Variants in DOCK3 observed in about 807,000 individuals in gnomAD.
The protein encoded by DOCK3 is dedicator of cytokinesis protein 3.
DOCK3 carries 60 observed loss-of-function variants against 265.6 expected under a neutral mutation model. The observed-to-expected ratio is 0.23, with a 90% CI of 0.18 to 0.28. The LOEUF (loss-of-function observed/expected upper bound fraction) is 0.28, where lower values mean the gene tolerates loss of function less well. Ranked by LOEUF, DOCK3 falls within the 10% of genes least tolerant of loss-of-function variation. DOCK3 has a pLI of 1.00. For synonymous variants in DOCK3, 881 were observed against 938.0 expected, an observed-to-expected ratio of 0.94 and a Z score of 1.11; for missense variants, 1,981 against 2,594.3, an observed-to-expected ratio of 0.76 and a Z score of 5.14.
intron 4 of DOCK3, among the ~76,000 whole-genome samples, chr3:50,919,548 C>G (rs1553703530): frequency 1.3e-5 from 2 of 151,884 alleles, no homozygotes; most frequent in East Asian, 1.9e-4. Context: ...TGATTTGGCT[C>G]TCTGTCTGTT....
At chr3:51,235,593 T>G (rs558471816) in intron 19 of DOCK3, among the ~76,000 whole-genome samples, 1 of 152,176 alleles carries the variant, frequency 6.6e-6, no homozygotes, top group East Asian at 1.9e-4. Context: ...TGACCCATCA[T>G]TATTACCCCT....
chr3:51,132,424 A>G (rs1051881703), intron 9 of DOCK3, among the ~76,000 whole-genome samples: 2 of 152,214 alleles, frequency 1.3e-5, no homozygotes, highest in Non-Finnish European at 2.9e-5. Context: ...TAGGTCTAGA[A>G]GCAAACGGGT....
At chr3:51,120,887 C>T (rs1434156951) in intron 9 of DOCK3, among the ~76,000 whole-genome samples, 2 of 152,188 alleles carry the variant, frequency 1.3e-5, no homozygotes, top group African/African-American at 4.8e-5. Flanking sequence ...GCCAGTTGAT[C>T]TTAGCTTGCT....
intron 9 of DOCK3, among the ~76,000 whole-genome samples, chr3:51,129,170 C>G (rs2084398496): frequency 2.6e-5 from 4 of 152,242 alleles, no homozygotes; most frequent in Admixed American, 1.3e-4. Context: ...GCCATTTCTC[C>G]TTCCATGCAA....
intron 29 of DOCK3, among the ~76,000 whole-genome samples, 159 bp from the exon 30 acceptor site, chr3:51,312,317 A>G (rs2083116121): frequency 6.6e-6 from 1 of 152,234 alleles, no homozygotes; most frequent in Non-Finnish European, 1.5e-5. Flanking sequence ...AAGGGGGAAA[A>G]AAAGAAAAAT....
intron 9 of DOCK3, among the ~76,000 whole-genome samples, chr3:51,125,729 T>G (rs1332247714): frequency 2.0e-5 from 3 of 152,198 alleles, no homozygotes; most frequent in Non-Finnish European, 4.4e-5. Flanking sequence ...ACTTAAATAC[T>G]CTTATATCTT....
chr3:50,944,080 T>C (rs1247858215), intron 5 of DOCK3, among the ~76,000 whole-genome samples: 1 of 152,236 alleles, frequency 6.6e-6, no homozygotes, highest in Non-Finnish European at 1.5e-5. Flanking sequence ...ATTTAGCATG[T>C]TAGCAGTTCC....
At chr3:50,691,792 T>A (rs2035262010) in intron 1 of DOCK3, among the ~76,000 whole-genome samples, 3 of 152,186 alleles carry the variant, frequency 2.0e-5, no homozygotes, top group Admixed American at 2.0e-4. Context: ...TGGTTTTGAT[T>A]TGTATTTCCC....
intron 27 of DOCK3, among the ~76,000 whole-genome samples, chr3:51,295,711 G>C (rs2082041891): frequency 6.6e-6 from 1 of 152,038 alleles, no homozygotes; most frequent in South Asian, 2.1e-4. Flanking sequence ...TCAGGAACAA[G>C]GGCAAGATGT....
chr3:50,694,546 C>T (rs544108035), intron 1 of DOCK3, among the ~76,000 whole-genome samples: 204 of 152,320 alleles, frequency 1.3e-3, no homozygotes, highest in Non-Finnish European at 2.2e-3. Flanking sequence ...CAGTGGCTCA[C>T]GCCTGTAATC....
intron 20 of DOCK3, among the ~76,000 whole-genome samples, chr3:51,237,013 G>T (rs2078376499): frequency 6.6e-6 from 1 of 152,126 alleles, no homozygotes; most frequent in South Asian, 2.1e-4. Context: ...GTTGCAATGA[G>T]TACTTGCATA....
In DOCK3 at chr3:50,821,140, C is replaced by CTT. The variant is rs771111717; in HGVS notation, c.122-20518_122-20517dup. Among the ~76,000 whole-genome samples the CTT allele has an allele frequency of 1.5e-3, 176 of 119,466 alleles. 1 individual carries two copies. Among genetic ancestry groups the CTT allele is most frequent in the African/African-American group, 5.2e-3 (160 of 31,012 alleles). 78.4% of individuals were successfully genotyped at this position (119,466 alleles called of 152,430 possible). On this transcript the variant is annotated intron_variant, in intron 2 of 52. Transcript: ENST00000266037. ...AGTTTTCTTTCTTTCTTTCTTTTTT[C>CTT]TTTTTTTTTTTTTTTTTTGCTGTGC...
intron 12 of DOCK3, among the ~76,000 whole-genome samples, chr3:51,206,722 G>C (rs1435574333): frequency 6.6e-6 from 1 of 152,138 alleles, no homozygotes; most frequent in East Asian, 1.9e-4. Flanking sequence ...CCTCTAACCT[G>C]TGATGGGCAT....
intron 27 of DOCK3, among the ~76,000 whole-genome samples, chr3:51,302,046 A>C (rs1411380743): frequency 1.3e-5 from 2 of 152,086 alleles, no homozygotes; most frequent in African/African-American, 4.8e-5. Context: ...GTCTCCCACT[A>C]TTATTGTGTG....
intron 1 of DOCK3, among the ~76,000 whole-genome samples, chr3:50,744,915 A>G (rs1370061091): frequency 6.6e-6 from 1 of 152,012 alleles, no homozygotes; most frequent in Non-Finnish European, 1.5e-5. Flanking sequence ...TATTTTATTG[A>G]TCTATATGTC....
chr3:51,016,625 AT>A (rs1436757977), intron 5 of DOCK3, among the ~76,000 whole-genome samples: 5 of 41,260 alleles, frequency 1.2e-4, no homozygotes, highest in African/African-American at 3.0e-4. Context: ...ATTTATATAT[AT>A]AATATATATG....
At chr3:51,334,891 C>CA (rs1231384753) in intron 35 of DOCK3, among the ~76,000 whole-genome samples, 1 of 152,194 alleles carries the variant, frequency 6.6e-6, no homozygotes, top group Non-Finnish European at 1.5e-5. Context: ...AAAGCAACTT[C>CA]ATTCTCTATT....
chr3:50,917,922 A>G (rs1254324836), intron 4 of DOCK3, among the ~76,000 whole-genome samples: 1 of 151,718 alleles, frequency 6.6e-6, no homozygotes, highest in East Asian at 1.9e-4. Context: ...CCCCAACCCC[A>G]TGACAGGCCC....
chr3:51,202,916 C>A (rs1265141544), intron 12 of DOCK3, among the ~76,000 whole-genome samples: 3 of 151,998 alleles, frequency 2.0e-5, no homozygotes, highest in African/African-American at 7.3e-5. Context: ...AAGACAAAAA[C>A]CACATGATTA....
Sources: allele counts gnomAD v4.1 joint callset (sites outside exome capture counted in the v4.1 genomes callset), GRCh38; gene constraint gnomAD v4.1.1; transcripts MANE v1.5; gene names NCBI Gene and HGNC (gene_info 2026-07-23, HGNC 2026-07-21).